CACNA1C: variants seen among roughly 807,000 people sequenced by gnomAD.
CACNA1C encodes voltage-dependent L-type calcium channel subunit alpha-1C.
A neutral mutation model predicts 229.0 loss-of-function variants in CACNA1C; 30 were observed. That is an observed-to-expected ratio of 0.13 (90% CI 0.10 to 0.18). The LOEUF (loss-of-function observed/expected upper bound fraction) is 0.18. Ranked by LOEUF, CACNA1C falls within the 10% of genes least tolerant of loss-of-function variation. The pLI is 1.00. For missense variants in CACNA1C, 1,658 were observed against 2,845.0 expected (o/e 0.58, Z 9.49); for synonymous variants, 1,114 against 1,132.5 (o/e 0.98, Z 0.33).
At chr12:2,290,066 C>T (rs1455377970) in intron 3 of CACNA1C, among the ~76,000 whole-genome samples, 1 of 152,180 alleles carries the variant, frequency 6.6e-6, no homozygotes, top group Non-Finnish European at 1.5e-5. Flanking sequence ...GACTTTACCT[C>T]CCCTTTGGAA....
intron 7 of CACNA1C, among the ~76,000 whole-genome samples, chr12:2,497,048 C>A (rs575436401): frequency 2.0e-5 from 3 of 152,256 alleles, no homozygotes; most frequent in African/African-American, 7.2e-5. Flanking sequence ...CTTAGTTTCA[C>A]GTTTTGTTTT....
intron 1 of CACNA1C, among the ~76,000 whole-genome samples, chr12:2,065,461 G>C (rs907077213): frequency 6.6e-6 from 1 of 152,144 alleles, no homozygotes; most frequent in African/African-American, 2.4e-5. Context: ...AAGTTATTGA[G>C]CGTCTGCTAT....
At chr12:2,383,982 G>C (rs767772294) in intron 3 of CACNA1C, among the ~76,000 whole-genome samples, 1 of 152,178 alleles carries the variant, frequency 6.6e-6, no homozygotes, top group Non-Finnish European at 1.5e-5. Context: ...CAGATCCTCC[G>C]GGTGCAAGGT....
rs2094714424 is a variant in CACNA1C, at chr12:2,649,588, C to T, written c.3945+1081C>T. 1.3e-5 allele frequency among the ~76,000 whole-genome samples: 2 copies of T among 152,204 alleles called. No individual in the cohort carries two copies. The highest frequency in any genetic ancestry group is 2.9e-5 in the Non-Finnish European group (2 of 68,044). On this transcript the variant is annotated intron_variant, in intron 31 of 46. Transcript: ENST00000399655. The surrounding 1 kb of genome is among the most constrained non-coding windows in gnomAD (Gnocchi z 4.4). Reference sequence around the variant, plus strand: ...GAATGGCAGTGAGTTTATTCTCCTTCTCGAGCAGCATTAGGAAACTGCAGC... The same window carrying T: ...GAATGGCAGTGAGTTTATTCTCCTTTTCGAGCAGCATTAGGAAACTGCAGC...
intron 29 of CACNA1C, among the ~76,000 whole-genome samples, chr12:2,627,667 C>A (rs886450772): frequency 6.6e-6 from 1 of 152,120 alleles, no homozygotes; most frequent in Non-Finnish European, 1.5e-5. Flanking sequence ...TCCGGTGAAG[C>A]CATCTGTTGC....
At chr12:2,578,632 A>G (rs1480649323) in intron 13 of CACNA1C, among the ~76,000 whole-genome samples, 1 of 152,184 alleles carries the variant, frequency 6.6e-6, no homozygotes, top group African/African-American at 2.4e-5. Flanking sequence ...TTGCTGATGC[A>G]GAGTGTGAGA....
At chr12:2,472,137 C>T (rs1193686951) in intron 5 of CACNA1C, among the ~76,000 whole-genome samples, 1 of 152,182 alleles carries the variant, frequency 6.6e-6, no homozygotes, top group Non-Finnish European at 1.5e-5. Context: ...TTCTCAGATA[C>T]ACTCATAAAT....
At chr12:2,501,190 A>T (rs1293232830) in intron 7 of CACNA1C, among the ~76,000 whole-genome samples, 1 of 136,762 alleles carries the variant, frequency 7.3e-6, no homozygotes, top group African/African-American at 2.8e-5. Flanking sequence ...AGCCTGGGCG[A>T]CAGAGTGAGA....
At chr12:2,664,686 C>A (rs960497704) in intron 34 of CACNA1C, 139 bp from the exon 35 acceptor site, 4 of 600,564 alleles carry the variant, frequency 6.7e-6, no homozygotes, top group South Asian at 3.0e-5. Context: ...TCAGAGCATT[C>A]AGGGAATGAT....
intron 5 of CACNA1C, among the ~76,000 whole-genome samples, chr12:2,476,641 A>G (rs1465652105): frequency 6.6e-6 from 1 of 152,074 alleles, no homozygotes; most frequent in Non-Finnish European, 1.5e-5. Flanking sequence ...TCTCTTTTCA[A>G]TCCACATTGG....
chr12:2,599,094 A>G (rs1466522221), intron 21 of CACNA1C, among the ~76,000 whole-genome samples: 1 of 152,172 alleles, frequency 6.6e-6, no homozygotes, highest in Non-Finnish European at 1.5e-5. Context: ...GCCCTTCTAC[A>G]GAGCTGCCCT....
intron 3 of CACNA1C, among the ~76,000 whole-genome samples, chr12:2,159,607 T>C (rs2095738412): frequency 1.3e-5 from 2 of 150,496 alleles, no homozygotes; most frequent in Non-Finnish European, 3.0e-5. Flanking sequence ...CTTTCTCTTT[T>C]TTTTTTTTTT....
At chr12:2,526,871 C>CT (rs2099819334) in intron 9 of CACNA1C, among the ~76,000 whole-genome samples, 2 of 152,040 alleles carry the variant, frequency 1.3e-5, no homozygotes, top group South Asian at 4.2e-4. Flanking sequence ...TTAGTTCCTC[C>CT]GACTGAAGAA....
chr12:2,410,101 G>A lies in CACNA1C; in HGVS notation c.478-38875G>A, dbSNP rs148403423. 6.6e-6 allele frequency among the ~76,000 whole-genome samples: 1 copy of A among 152,342 alleles called. No individual in the cohort carries two copies. The highest frequency in any genetic ancestry group is 2.4e-5 in the African/African-American group (1 of 41,586). On this transcript the variant is annotated intron_variant, in intron 3 of 46. Transcript: ENST00000399655. This position sits in a 1 kb window ranked among gnomAD's most constrained non-coding sequence, Gnocchi z 5.3. ...GCAAGCTGGCAGCTTCGTCCTCTCAGACTGTGGGTTGCTTTTAGCTGTCAG... is the reference window on the plus strand; with the variant it reads ...GCAAGCTGGCAGCTTCGTCCTCTCAAACTGTGGGTTGCTTTTAGCTGTCAG...
intron 3 of CACNA1C, among the ~76,000 whole-genome samples, chr12:2,264,526 C>T (rs922376191): frequency 5.3e-5 from 8 of 152,180 alleles, no homozygotes; most frequent in Non-Finnish European, 1.5e-5. Flanking sequence ...ATCACTTAAC[C>T]CTTGCAATCA....
rs575712673 is a variant in CACNA1C at position 2,319,924 on chromosome 12, A to C, written c.478-129052A>C. 6.6e-6 allele frequency among the ~76,000 whole-genome samples: 1 copy of C among 152,258 alleles called. No homozygotes were observed. Among genetic ancestry groups the C allele is most frequent in the East Asian group, 1.9e-4 (1 of 5,178 alleles). ...AAAATGCACATCCTTCCCAGAGCTG[A>C]GGAAGCCCCATGAGCTATTCTGGTC... is the stretch of plus-strand genomic sequence containing the variant. On this transcript the variant is annotated intron_variant, in intron 3 of 46. Coordinates refer to ENST00000399655, the MANE Select transcript of CACNA1C (RefSeq NM_000719.7). The surrounding 1 kb of genome is among the most constrained non-coding windows in gnomAD (Gnocchi z 4.0).
chr12:2,583,254 G>A (rs920749876), intron 15 of CACNA1C, among the ~76,000 whole-genome samples: 39 of 152,358 alleles, frequency 2.6e-4, no homozygotes, highest in African/African-American at 8.2e-4. Context: ...ATAGGGACGC[G>A]CGGGAGCGGG....
intron 21 of CACNA1C, among the ~76,000 whole-genome samples, chr12:2,598,154 C>G (rs1050044955): frequency 6.6e-6 from 1 of 152,170 alleles, no homozygotes; most frequent in African/African-American, 2.4e-5. Context: ...TGCCCCTTGC[C>G]CTGAGCGTGG....
chr12:2,186,419 G>A (rs915579174), intron 3 of CACNA1C, among the ~76,000 whole-genome samples: 14 of 152,202 alleles, frequency 9.2e-5, no homozygotes, highest in African/African-American at 2.7e-4. Context: ...CGGGCCATGG[G>A]CAGGTGGCCG....
Sources: gnomAD v4.1 joint callset for allele counts (sites outside exome capture counted in the v4.1 genomes callset) on GRCh38, gnomAD v4.1.1 for gene constraint, Gnocchi (gnomAD v3.1) non-coding constraint, MANE v1.5 for transcripts, NCBI Gene and HGNC (gene_info 2026-07-23, HGNC 2026-07-21) for gene names.